Variants in STARD7 observed in about 807,000 individuals in gnomAD.
STARD7 encodes stAR-related lipid transfer protein 7, mitochondrial.
Under a neutral mutation model 45.3 loss-of-function variants are expected in STARD7, and 30 were observed. That is an observed-to-expected ratio of 0.66 (90% CI 0.50 to 0.90). The LOEUF is 0.90. Among genes scored for constraint, STARD7 ranks in the 40% least tolerant of loss-of-function variants. The probability of loss-of-function intolerance (pLI) is 0.00; values close to 1 mark genes in which losing one functional copy is unlikely to be tolerated. For missense variants in STARD7, 495 were observed against 491.3 expected (o/e 1.01, Z -0.07); for synonymous variants, 199 against 183.0 (o/e 1.09, Z -0.70).
chr2:96,186,580 T>C lies in STARD7; in HGVS notation c.*150A>G. 1 of 530,338 alleles carries C rather than the reference T, an allele frequency of 1.9e-6. No individual in the cohort carries two copies. The highest frequency in any genetic ancestry group is 3.2e-6 in the Non-Finnish European group (1 of 308,244). The allele number at this position is 530,338 out of a possible 1,614,324, so 32.9% of individuals were successfully genotyped here. On this transcript the variant is annotated 3_prime_UTR_variant, in exon 8 of 8. Transcript: ENST00000337288. The stretch of plus-strand genomic sequence containing the variant: ...TGATAAGAGCAATAAGGGCTCTGAA[T>C]GAAATGGGACATCAGTTATTGAATT...
chr2:96,192,241 T>C (rs748256833), intron 6 of STARD7, 128 bp downstream of exon 6: 7 of 759,100 alleles, frequency 9.2e-6, no homozygotes, highest in East Asian at 5.0e-5. Context: ...CCCAGACCAG[T>C]AGCATCAGAC....
chr2:96,201,409 T>TAAAAAAAAAAAA (rs60808208), intron 1 of STARD7, among the ~76,000 whole-genome samples: 34 of 109,576 alleles, frequency 3.1e-4, no homozygotes, highest in African/African-American at 1.0e-3. Context: ...ACTCCACCTC[T>TAAAAAAAAAAAA]AAAAAAAAAA....
rs1304158961 is a variant in STARD7, at chr2:96,197,071, TA to T, written c.291-1523del. Among the ~76,000 whole-genome samples, 26 of 94,694 alleles carry T rather than the reference TA, an allele frequency of 2.7e-4. 1 individual carries two copies. The highest frequency in any genetic ancestry group is 1.3e-3 in the South Asian group (4 of 3,092). The allele number at this position is 94,694 out of a possible 152,430, so 62.1% of individuals were successfully genotyped here. ...ACAAGAGCGAAACTCCGTCTCAAAATAAAATAAAATAAAATAAAATAAAATA... is the reference window on the plus strand; with the variant it reads ...ACAAGAGCGAAACTCCGTCTCAAAATAAATAAAATAAAATAAAATAAAATA... On this transcript the variant is annotated intron_variant, in intron 1 of 7. Transcript: ENST00000337288.
intron 6 of STARD7, among the ~76,000 whole-genome samples, chr2:96,189,476 G>A (rs13430048): frequency 3.3e-5 from 5 of 152,024 alleles, no homozygotes; most frequent in East Asian, 3.9e-4. Context: ...AGGCCGAGGC[G>A]GGCGGATCAC....
At chr2:96,196,967 G>A (rs1683220440) in intron 1 of STARD7, among the ~76,000 whole-genome samples, 1 of 151,628 alleles carries the variant, frequency 6.6e-6, no homozygotes, top group South Asian at 2.1e-4. Context: ...TCGGGAGACT[G>A]AGGCAAGAGA....
At chr2:96,197,186 C>T (rs1421075839) in intron 1 of STARD7, among the ~76,000 whole-genome samples, 1 of 151,948 alleles carries the variant, frequency 6.6e-6, no homozygotes, top group Non-Finnish European at 1.5e-5. Context: ...GGGCGGATCA[C>T]CTGAGGTCAG....
intron 6 of STARD7, among the ~76,000 whole-genome samples, chr2:96,188,887 T>A (rs984524765): frequency 1.5e-4 from 23 of 151,036 alleles, no homozygotes; most frequent in African/African-American, 4.9e-4. Context: ...AGAGCGAAAC[T>A]CATCTCAGAA....
chr2:96,193,104 T>A lies in STARD7; in HGVS notation c.717A>T (p.Glu239Asp). The A allele has an allele frequency of 6.2e-7, 1 of 1,613,706 alleles. No individual in the cohort carries two copies. Among genetic ancestry groups the A allele is most frequent in the Non-Finnish European group, 8.5e-7 (1 of 1,179,698 alleles). ...VYVRRYSVDQ[E>D]NNMMVLVSRA... ...GCGACACCAACACCATCATGTTGTT[T>A]TCCTGATCCACACTATACCGCCGAA... The change falls in exon 5 of 8, where the codon GAA (glutamate) becomes GAT (aspartate). Residue 239 changes from glutamate to aspartate, a missense_variant. Glu to Asp is a conservative substitution (Grantham distance 45). This residue lies in a region of STARD7 where 213 missense variants were observed against 271.2 expected (regional missense o/e 0.79). Coordinates refer to ENST00000337288, the MANE Select transcript of STARD7 (RefSeq NM_020151.4).
At chr2:96,197,104 A>AC (rs1558735868) in intron 1 of STARD7, among the ~76,000 whole-genome samples, 3 of 142,482 alleles carry the variant, frequency 2.1e-5, no homozygotes, top group Non-Finnish European at 3.1e-5. Context: ...AATAAAATAA[A>AC]ATAAAATAAA....
intron 1 of STARD7, among the ~76,000 whole-genome samples, chr2:96,200,093 T>G (rs1254123364): frequency 6.7e-6 from 1 of 150,316 alleles, no homozygotes; most frequent in African/African-American, 2.5e-5. Flanking sequence ...AGTTGTGTGG[T>G]TTTTTTTTGT....
intron 1 of STARD7, among the ~76,000 whole-genome samples, chr2:96,197,066 C>CTAAACTAAACTAAACT (rs1683222743): frequency 1.1e-5 from 1 of 89,740 alleles, no homozygotes; most frequent in African/African-American, 3.8e-5. Context: ...AACTCCGTCT[C>CTAAACTAAACTAAACT]AAAATAAAAT....
At position 96,204,749 on chromosome 2, in the gene STARD7, C is replaced by CAAAAAAAAAAAAAAAAA. The variant is rs397959036; in HGVS notation, c.290+3395_290+3396insTTTTTTTTTTTTTTTTT. 2.3e-4 allele frequency among the ~76,000 whole-genome samples: 22 copies of CAAAAAAAAAAAAAAAAA among 96,122 alleles called. 1 individual carries two copies. Among genetic ancestry groups the CAAAAAAAAAAAAAAAAA allele is most frequent in the East Asian group, 2.2e-3 (7 of 3,232 alleles). 63.1% of individuals were successfully genotyped at this position (96,122 alleles called of 152,430 possible). On this transcript the variant is annotated intron_variant, in intron 1 of 7. Transcript: ENST00000337288. ...TAAGATACCCTGAAGTGACAATGGC[C>CAAAAAAAAAAAAAAAAA]AAAAAAAAAAAAAAAAGTTCCTTTA...
At position 96,208,560 on chromosome 2, in the gene STARD7, A is replaced by G. The variant is rs1683448061; in HGVS notation, c.-126T>C. 2 of 829,640 alleles carry G rather than the reference A, an allele frequency of 2.4e-6. No individual in the cohort carries two copies. Among genetic ancestry groups the G allele is most frequent in the South Asian group, 2.6e-5 (1 of 39,122 alleles). The allele number at this position is 829,640 out of a possible 1,614,324, so 51.4% of individuals were successfully genotyped here. A position where few individuals can be genotyped will look rare whatever the true frequency, so the allele number is the denominator to read the frequency against. ...GAACCCGTCTCACGGTCCCGCGGCC[A>G]GGAGCCGCCGCTCATCTGTCTCTGC... On this transcript the variant is annotated 5_prime_UTR_variant, in exon 1 of 8. Transcript: ENST00000337288.
chr2:96,189,879 C>T (rs1007142968), intron 6 of STARD7, among the ~76,000 whole-genome samples: 1 of 151,992 alleles, frequency 6.6e-6, no homozygotes, highest in Non-Finnish European at 1.5e-5. Flanking sequence ...TTGAGTTCTA[C>T]AGTACAGGGA....
rs1683448189 is a variant in STARD7 at position 96,208,562 on chromosome 2, GAGCCGCCGCTCATCTGTCTCTGC to G, written c.-151_-129del. On this transcript the variant is annotated 5_prime_UTR_variant, in exon 1 of 8. An upstream start codon of the reference 5' UTR is lost. Coordinates refer to ENST00000337288, the MANE Select transcript of STARD7 (RefSeq NM_020151.4). ...ACCCGTCTCACGGTCCCGCGGCCAG[GAGCCGCCGCTCATCTGTCTCTGC>G]AGCCACCGCTGAGGAAGAGTCTCCT... 2 of 803,452 alleles carry G rather than the reference GAGCCGCCGCTCATCTGTCTCTGC, an allele frequency of 2.5e-6. No homozygotes were observed. The highest frequency in any genetic ancestry group is 2.6e-5 in the South Asian group (1 of 38,566). 49.8% of individuals were successfully genotyped at this position (803,452 alleles called of 1,614,324 possible). A position where few individuals can be genotyped will look rare whatever the true frequency, so the allele number is the denominator to read the frequency against.
intron 1 of STARD7, among the ~76,000 whole-genome samples, chr2:96,206,671 G>A (rs1355840460): frequency 6.6e-6 from 1 of 151,642 alleles, no homozygotes; most frequent in Non-Finnish European, 1.5e-5. Context: ...CGTGGTGGCG[G>A]GCGCCTGTAG....
chr2:96,194,591 T>C (rs1363731617), intron 3 of STARD7, among the ~76,000 whole-genome samples: 1 of 152,212 alleles, frequency 6.6e-6, no homozygotes, highest in Non-Finnish European at 1.5e-5. Context: ...ATACGGCATA[T>C]GGCTAGTTTT....
Position 96,195,478 on chromosome 2 carries a change from G to A in STARD7, c.362C>T (p.Pro121Leu). The change falls in exon 2 of 8, where the codon CCT becomes CTT. Residue 121 changes from proline (P) to leucine (L), a missense_variant. Physicochemically the swap from Pro to Leu is moderately conservative, Grantham distance 98. Around this residue, in one of 2 missense-constraint regions of STARD7, gnomAD observed 282 missense variants for 220.1 expected, o/e 1.28. Transcript: ENST00000337288. ...TTCTGTTTGGGCTTTTGGTTCTGGA[G>A]GGTGGTGCTGGACTCCAGAGCTCTG... ...MFQSSGVQHH[P>L]PEPKAQTEGN... 1 of 1,613,774 alleles carries A rather than the reference G, an allele frequency of 6.2e-7. No individual in the cohort carries two copies. Among genetic ancestry groups the A allele is most frequent in the Non-Finnish European group, 8.5e-7 (1 of 1,179,828 alleles).
chr2:96,197,685 T>C (rs1033748814), intron 1 of STARD7, among the ~76,000 whole-genome samples: 2 of 152,204 alleles, frequency 1.3e-5, no homozygotes, highest in African/African-American at 4.8e-5. Flanking sequence ...TTCCAGAACA[T>C]TTTTATCACC....
Sources: gnomAD v4.1 joint callset for allele counts (sites outside exome capture counted in the v4.1 genomes callset) on GRCh38, gnomAD v4.1.1 for gene constraint, gnomAD v4.1.1 regional missense constraint, MANE v1.5 for transcripts, NCBI Gene and HGNC (gene_info 2026-07-23, HGNC 2026-07-21) for gene names.